Variants in CNIH3 observed in about 807,000 individuals in gnomAD.
CNIH3 encodes the protein cornichon family AMPA receptor auxiliary protein 3.
In CNIH3, 14 loss-of-function variants were observed where a neutral mutation model predicts 24.1. The observed-to-expected ratio is 0.58, with a 90% CI of 0.38 to 0.91. CNIH3 has a LOEUF of 0.91. CNIH3 is among the 40% of genes least tolerant of loss of function. The pLI is 0.00. For synonymous variants in CNIH3, 68 were observed against 73.8 expected (o/e 0.92, Z 0.40); for missense variants, 178 against 196.8 (o/e 0.90, Z 0.57).
intron 2 of CNIH3, among the ~76,000 whole-genome samples, chr1:224,681,367 C>T (rs1255489946): frequency 1.3e-5 from 2 of 152,178 alleles, no homozygotes; most frequent in African/African-American, 4.8e-5. Flanking sequence ...TTTGCAGGCA[C>T]GTGAGCACCA....
intron 1 of CNIH3, among the ~76,000 whole-genome samples, chr1:224,457,269 CTCTCTCTGTGTG>C (rs1160589800): frequency 0.011 from 1,167 of 104,610 alleles, 9 homozygotes; most frequent in South Asian, 0.028. Context: ...GCCCTCCTCT[CTCTCTCTGTGTG>C]TGTGTGTGTG....
intron 3 of CNIH3, among the ~76,000 whole-genome samples, chr1:224,687,752 A>G (rs186588770): frequency 2.6e-5 from 4 of 152,260 alleles, no homozygotes; most frequent in Non-Finnish European, 4.4e-5. Flanking sequence ...AGACGGTGGG[A>G]GTTGCAGCAG....
In CNIH3 at chr1:224,734,543, G is replaced by T; in HGVS notation, c.312-20G>T. 6.2e-7 allele frequency: 1 copy of T among 1,613,050 alleles called. No homozygotes were observed. ...GAAGTACCAGGACCTCAGAGACAAT[G>T]ATGTCCTCTCTCCCTGCAGGTATTT... On this transcript the variant is annotated intron_variant, in intron 4 of 5. Transcript: ENST00000272133.
intron 1 of CNIH3, among the ~76,000 whole-genome samples, chr1:224,620,774 A>G (rs1339228102): frequency 6.6e-6 from 1 of 152,130 alleles, no homozygotes; most frequent in African/African-American, 2.4e-5. Context: ...TTGAGGCAGG[A>G]GGATCACTTG....
upstream of CNIH3, among the ~76,000 whole-genome samples, chr1:224,612,637 T>A (rs1437921290): frequency 2.6e-5 from 4 of 152,236 alleles, no homozygotes; most frequent in African/African-American, 9.6e-5. The surrounding 1 kb of genome is among the most constrained non-coding windows in gnomAD (Gnocchi z 4.7). Context: ...TAGGTTCCCC[T>A]AGATACCTGG....
At chr1:224,435,677 T>G (rs1674625984) in intron 1 of CNIH3, 1 of 152,218 alleles carries the variant, frequency 6.6e-6, no homozygotes, top group Non-Finnish European at 1.5e-5. Context: ...GCTTGAAATT[T>G]TTACGTGGCA....
intron 4 of CNIH3, among the ~76,000 whole-genome samples, chr1:224,576,382 C>A (rs1238909039): frequency 6.6e-6 from 1 of 152,176 alleles, no homozygotes; most frequent in African/African-American, 2.4e-5. Flanking sequence ...GGGAGTCCCC[C>A]TTCCATTCCC....
Position 224,604,814 on chromosome 1 carries a change from C to CCTGTGTGGGTATA in CNIH3, n.402+38553_402+38554insTGTGGGTATACTG, listed in dbSNP as rs1179463846. Reference sequence around the variant, plus strand: ...TAGCTTATACCCACATTTGGTGGTTCCTGAGCTCCTGTACTGTGCCCAGGA... The same window carrying CCTGTGTGGGTATA: ...TAGCTTATACCCACATTTGGTGGTTCCTGTGTGGGTATACTGAGCTCCTGTACTGTGCCCAGGA... On this transcript the variant is annotated intron_variant and non_coding_transcript_variant, in intron 3 of 7. Coordinates refer to the CNIH3 transcript ENST00000478120. The surrounding 1 kb of genome is among the most constrained non-coding windows in gnomAD (Gnocchi z 4.4). Among the ~76,000 whole-genome samples, 3 of 152,304 alleles carry CCTGTGTGGGTATA rather than the reference C, an allele frequency of 2.0e-5. No homozygotes were observed. The East Asian group carries it at 5.8e-4, about 29-fold the overall frequency.
intron 2 of CNIH3, among the ~76,000 whole-genome samples, chr1:224,682,359 T>C (rs1355473542): frequency 6.6e-6 from 1 of 152,236 alleles, no homozygotes; most frequent in Non-Finnish European, 1.5e-5. Flanking sequence ...GAACCCAGGC[T>C]TGCCTGTCTC....
At chr1:224,438,683 G>T (rs913115271) in intron 1 of CNIH3, among the ~76,000 whole-genome samples, 4 of 152,068 alleles carry the variant, frequency 2.6e-5, no homozygotes, top group Admixed American at 2.0e-4. Context: ...GGACTTGTTG[G>T]GCCTGGGTGG....
chr1:224,555,067 C>T (rs944992213), intron 3 of CNIH3, among the ~76,000 whole-genome samples: 3 of 151,990 alleles, frequency 2.0e-5, no homozygotes, highest in African/African-American at 7.2e-5. Flanking sequence ...GTGGTAGTGT[C>T]CTGGAATCAA....
chr1:224,638,686 T>G (rs1684211013), intron 1 of CNIH3, among the ~76,000 whole-genome samples: 1 of 152,156 alleles, frequency 6.6e-6, no homozygotes, highest in Non-Finnish European at 1.5e-5. Context: ...CCCAAGTGAT[T>G]AGAACATGCA....
At chr1:224,597,568 G>C (rs1007735468) in intron 3 of CNIH3, among the ~76,000 whole-genome samples, 5 of 152,188 alleles carry the variant, frequency 3.3e-5, no homozygotes, top group Admixed American at 3.3e-4. Flanking sequence ...TATGGGGTCG[G>C]AGGGTACAGA....
chr1:224,480,094 T>C (rs1049481085), intron 1 of CNIH3, among the ~76,000 whole-genome samples: 2 of 152,190 alleles, frequency 1.3e-5, no homozygotes, highest in African/African-American at 4.8e-5. Context: ...GAAATCTAGG[T>C]GGAGGTTCCC....
rs1464292227 is a variant in CNIH3 at position 224,616,971 on chromosome 1, C to G, written c.-204C>G. 3.6e-6 allele frequency: 5 copies of G among 1,396,946 alleles called. No individual in the cohort carries two copies. Among genetic ancestry groups the G allele is most frequent in the Non-Finnish European group, 4.6e-6 (5 of 1,080,874 alleles). The allele number at this position is 1,396,946 out of a possible 1,614,324, so 86.5% of individuals were successfully genotyped here. A position where few individuals can be genotyped will look rare whatever the true frequency, so the allele number is the denominator to read the frequency against. ...CGTTTTCCTGTCTTCGCCGGAGGGC[C>G]GGGTCTGGGGTCGCCGGAGCCTGCG... On this transcript the variant is annotated 5_prime_UTR_variant, in exon 1 of 6. Transcript: ENST00000272133.
At chr1:224,587,977 A>G (rs1482035994) in intron 5 of CNIH3, among the ~76,000 whole-genome samples, 2 of 151,838 alleles carry the variant, frequency 1.3e-5, no homozygotes, top group African/African-American at 4.8e-5. Flanking sequence ...CTAAAAACTA[A>G]CAAATAATTA....
At chr1:224,584,945 C>T (rs191898736) in intron 5 of CNIH3, among the ~76,000 whole-genome samples, 1 of 152,286 alleles carries the variant, frequency 6.6e-6, no homozygotes, top group African/African-American at 2.4e-5. Flanking sequence ...TAAAGAACCC[C>T]TCAAACGTGC....
At chr1:224,530,591 CT>C (rs776534828) in intron 2 of CNIH3, among the ~76,000 whole-genome samples, 10 of 149,420 alleles carry the variant, frequency 6.7e-5, no homozygotes, top group Admixed American at 5.3e-4. Context: ...CCCTACATTT[CT>C]TTTTTTTTTC....
intron 1 of CNIH3, among the ~76,000 whole-genome samples, chr1:224,658,617 A>C (rs771052545): frequency 1.3e-5 from 2 of 151,738 alleles, no homozygotes; most frequent in Non-Finnish European, 2.9e-5. Context: ...TTAAAAAAAA[A>C]ACACCAAATC....
Sources: gnomAD v4.1 joint callset for allele counts (sites outside exome capture counted in the v4.1 genomes callset) on GRCh38, gnomAD v4.1.1 for gene constraint, Gnocchi (gnomAD v3.1) non-coding constraint, MANE v1.5 for transcripts, NCBI Gene and HGNC (gene_info 2026-07-23, HGNC 2026-07-21) for gene names.